Variants in PTPRM observed in about 807,000 individuals in gnomAD.
PTPRM encodes the protein receptor-type tyrosine-protein phosphatase mu.
In PTPRM, 47 loss-of-function variants were observed where a neutral mutation model predicts 186.7. The ratio of observed to expected loss-of-function variants is 0.25; its 90% CI spans 0.20 to 0.32. The LOEUF is 0.32. Ranked by LOEUF, PTPRM falls within the 10% of genes least tolerant of loss-of-function variation. The pLI is 1.00. For synonymous variants in PTPRM, 668 were observed against 674.9 expected, an observed-to-expected ratio of 0.99 and a Z score of 0.16; for missense variants, 1,494 against 1,865.0, an observed-to-expected ratio of 0.80 and a Z score of 3.66.
At chr18:7,886,132 A>G (rs1029997730) in intron 2 of PTPRM, among the ~76,000 whole-genome samples, 1 of 152,184 alleles carries the variant, frequency 6.6e-6, no homozygotes, top group African/African-American at 2.4e-5. Flanking sequence ...ACCAGTAAGG[A>G]TATATGTGGT....
intron 32 of PTPRM, among the ~76,000 whole-genome samples, chr18:8,397,509 T>G (rs930283388): frequency 2.9e-4 from 44 of 152,240 alleles, no homozygotes; most frequent in African/African-American, 1.0e-3. Flanking sequence ...TAGTTTCTAA[T>G]ACAAGACTAG....
At position 8,379,195 on chromosome 18, in the gene PTPRM, G is replaced by T; in HGVS notation, c.3641G>T (p.Arg1214Leu). 1 of 1,612,182 alleles carries T rather than the reference G, an allele frequency of 6.2e-7. No homozygotes were observed. Among genetic ancestry groups the T allele is most frequent in the Non-Finnish European group, 8.5e-7 (1 of 1,179,028 alleles). ...RTLNMVTPTL[R>L]VEDCSIALLP... The stretch of plus-strand genomic sequence containing the variant: ...CTAAACATGGTGACACCAACGCTGC[G>T]AGTAGAGGACTGCAGCATCGCACTG... Residue 1214 changes from arginine to leucine, a missense_variant, in exon 28 of 33, where the codon CGA becomes CTA. Coordinates refer to ENST00000580170, the MANE Select transcript of PTPRM (RefSeq NM_001105244.2).
At chr18:7,616,892 C>T (rs1436164210) in intron 1 of PTPRM, among the ~76,000 whole-genome samples, 3 of 152,122 alleles carry the variant, frequency 2.0e-5, no homozygotes, top group South Asian at 2.1e-4. Flanking sequence ...GGCCAGCGCC[C>T]AGGATGTGCT....
chr18:7,898,803 CA>C (rs1483235878), intron 3 of PTPRM, among the ~76,000 whole-genome samples: 1 of 152,178 alleles, frequency 6.6e-6, no homozygotes, highest in Non-Finnish European at 1.5e-5. Flanking sequence ...TGAACCACAT[CA>C]CATGAATAGA....
Position 7,718,789 on chromosome 18 carries a change from C to T in PTPRM, c.74-55360C>T, listed in dbSNP as rs545752542. Among the ~76,000 whole-genome samples the T allele has an allele frequency of 5.9e-5, 9 of 152,080 alleles. No homozygotes were observed. In the South Asian group the frequency reaches 6.2e-4, roughly 11 times the overall value. ...TTCTTAAAAGAAGATATACAAACAA[C>T]GAACAAACATATGAAAAAATGCTCA... On this transcript the variant is annotated intron_variant, in intron 1 of 32. Coordinates refer to ENST00000580170, the MANE Select transcript of PTPRM (RefSeq NM_001105244.2).
chr18:7,773,789 A>AG (rs753111963), intron 1 of PTPRM, among the ~76,000 whole-genome samples: 2 of 152,088 alleles, frequency 1.3e-5, no homozygotes, highest in Non-Finnish European at 2.9e-5. Context: ...CATGTTGGCC[A>AG]GGCTGGCCTC....
chr18:7,723,756 G>T (rs2040493032), intron 1 of PTPRM, among the ~76,000 whole-genome samples: 1 of 152,160 alleles, frequency 6.6e-6, no homozygotes, highest in Non-Finnish European at 1.5e-5. Context: ...TTCCCTTCGG[G>T]ATTCTGAGAC....
At chr18:8,380,459 G>A in intron 29 of PTPRM, 32 bp downstream of exon 29, 2 of 1,612,820 alleles carry the variant, frequency 1.2e-6, no homozygotes, top group Middle Eastern at 1.7e-4. Flanking sequence ...GTCAGAACTA[G>A]TGCCAGGGGG....
chr18:8,325,590 A>T (rs1403124665), intron 22 of PTPRM, among the ~76,000 whole-genome samples: 1 of 152,120 alleles, frequency 6.6e-6, no homozygotes, highest in African/African-American at 2.4e-5. Context: ...GGTTGATTCC[A>T]TGTCTTTGCC....
At chr18:7,832,164 A>G (rs1567885515) in intron 2 of PTPRM, among the ~76,000 whole-genome samples, 1 of 152,238 alleles carries the variant, frequency 6.6e-6, no homozygotes, top group East Asian at 1.9e-4. Context: ...GCTGGATCCT[A>G]TGGTAGCTGT....
intron 2 of PTPRM, among the ~76,000 whole-genome samples, chr18:7,805,541 CCTT>C (rs1416512793): frequency 1.3e-5 from 2 of 152,194 alleles, no homozygotes; most frequent in Admixed American, 1.3e-4. Flanking sequence ...TATTCCCACT[CCTT>C]CTTTTGACAG....
chr18:8,097,174 C>G (rs937177249), intron 11 of PTPRM, among the ~76,000 whole-genome samples: 3 of 152,190 alleles, frequency 2.0e-5, no homozygotes, highest in Admixed American at 1.3e-4. Flanking sequence ...CTTCTATTTC[C>G]TTAATAACTA....
intron 1 of PTPRM, among the ~76,000 whole-genome samples, chr18:7,650,526 A>G (rs952356408): frequency 6.7e-5 from 10 of 149,890 alleles, no homozygotes; most frequent in Admixed American, 1.3e-4. Context: ...TTAGTTTACA[A>G]ATATTTAAAT....
intron 5 of PTPRM, among the ~76,000 whole-genome samples, chr18:7,937,135 C>T (rs373014427): frequency 6.6e-6 from 1 of 152,160 alleles, no homozygotes; most frequent in Non-Finnish European, 1.5e-5. Context: ...GACAAGAACT[C>T]GGGACCCACC....
At chr18:8,278,332 AGAAG>A (rs1278893511) in intron 19 of PTPRM, among the ~76,000 whole-genome samples, 1 of 152,218 alleles carries the variant, frequency 6.6e-6, no homozygotes, top group African/African-American at 2.4e-5. Context: ...ACAATTCCAA[AGAAG>A]GAAGTTGTAG....
chr18:8,116,888 A>G (rs2091977568), intron 13 of PTPRM, among the ~76,000 whole-genome samples: 1 of 152,210 alleles, frequency 6.6e-6, no homozygotes, highest in Non-Finnish European at 1.5e-5. Context: ...ACATTTACAC[A>G]GCAACAAACT....
chr18:7,997,289 A>G (rs1056377090), intron 7 of PTPRM, among the ~76,000 whole-genome samples: 3 of 152,184 alleles, frequency 2.0e-5, no homozygotes, highest in Non-Finnish European at 4.4e-5. Context: ...CGATAGGGAG[A>G]TGACAGTCTC....
At chr18:7,614,125 G>A (rs562792242) in intron 1 of PTPRM, among the ~76,000 whole-genome samples, 135 of 152,264 alleles carry the variant, frequency 8.9e-4, no homozygotes, top group South Asian at 1.5e-3. Context: ...GAGAACCAGA[G>A]AACATGTGTT....
At chr18:7,969,382 A>G (rs947368040) in intron 7 of PTPRM, among the ~76,000 whole-genome samples, 1 of 132,548 alleles carries the variant, frequency 7.5e-6, no homozygotes. Flanking sequence ...ACACCCTAAC[A>G]TCTCAATTAA....
Sources: allele counts gnomAD v4.1 joint callset (sites outside exome capture counted in the v4.1 genomes callset), GRCh38; gene constraint gnomAD v4.1.1; transcripts MANE v1.5; gene names NCBI Gene and HGNC (gene_info 2026-07-23, HGNC 2026-07-21).